GRIP1: variants seen among roughly 807,000 people sequenced by gnomAD.
The protein encoded by GRIP1 is glutamate receptor-interacting protein 1.
A neutral mutation model predicts 129.9 loss-of-function variants in GRIP1; 45 were observed. The ratio of observed to expected loss-of-function variants is 0.35; its 90% CI spans 0.27 to 0.44. The LOEUF is 0.44. GRIP1 is among the 20% of genes least tolerant of loss of function. The pLI is 1.00. For missense variants in GRIP1, 1,196 were observed against 1,396.8 expected (o/e 0.86, Z 2.29); for synonymous variants, 530 against 520.8 (o/e 1.02, Z -0.24).
chr12:66,356,058 G>A (rs1388372930), intron 23 of GRIP1, among the ~76,000 whole-genome samples: 6 of 152,180 alleles, frequency 3.9e-5, no homozygotes, highest in African/African-American at 1.4e-4. Context: ...GTGTGGACAC[G>A]AGAGGGAGGG....
intron 1 of GRIP1, among the ~76,000 whole-genome samples, chr12:66,858,301 C>T (rs2040042218): frequency 6.6e-6 from 1 of 151,806 alleles, no homozygotes; most frequent in Non-Finnish European, 1.5e-5. Flanking sequence ...ATATATGGCA[C>T]TCTTACTGCT....
intron 4 of GRIP1, among the ~76,000 whole-genome samples, chr12:66,534,787 A>T (rs1433949624): frequency 6.6e-6 from 1 of 152,002 alleles, no homozygotes; most frequent in Non-Finnish European, 1.5e-5. Context: ...TCTGCCTCCC[A>T]GGTTCAAGTG....
intron 1 of GRIP1, among the ~76,000 whole-genome samples, chr12:66,729,696 C>T (rs1475701560): frequency 1.3e-5 from 2 of 152,138 alleles, no homozygotes; most frequent in Admixed American, 6.5e-5. Flanking sequence ...GCCTCAGCCT[C>T]CCCAGTAGCT....
intron 2 of GRIP1, among the ~76,000 whole-genome samples, chr12:66,595,669 T>C (rs559055892): frequency 1.4e-4 from 21 of 152,342 alleles, no homozygotes; most frequent in Non-Finnish European, 2.2e-4. Flanking sequence ...TAGGATAAAA[T>C]AGAAGACATC....
intron 1 of GRIP1, among the ~76,000 whole-genome samples, chr12:66,621,015 T>C (rs1181914793): frequency 6.6e-6 from 1 of 151,518 alleles, no homozygotes. Context: ...AATTACTGTA[T>C]TTAGAAAAGT....
At chr12:66,623,518 A>G (rs934558145) in intron 1 of GRIP1, among the ~76,000 whole-genome samples, 2 of 152,168 alleles carry the variant, frequency 1.3e-5, no homozygotes, top group African/African-American at 4.8e-5. Flanking sequence ...CAGTCTTACA[A>G]GGATGGTCAA....
intron 13 of GRIP1, 94 bp downstream of exon 13, chr12:66,444,490 C>T (rs2058563635): frequency 4.4e-6 from 4 of 913,670 alleles, no homozygotes; most frequent in Admixed American, 2.5e-5. Flanking sequence ...GAGACTCCGT[C>T]TCAAAAAAAA....
intron 1 of GRIP1, among the ~76,000 whole-genome samples, chr12:66,958,342 A>G (rs979606154): frequency 6.6e-6 from 1 of 152,258 alleles, no homozygotes; most frequent in East Asian, 1.9e-4. Context: ...TGCGTGGGCC[A>G]GGCTGGTCTT....
intron 5 of GRIP1, among the ~76,000 whole-genome samples, chr12:66,522,849 T>C (rs975059214): frequency 7.2e-5 from 11 of 152,050 alleles, no homozygotes; most frequent in African/African-American, 2.4e-4. Flanking sequence ...CTGATGGAGC[T>C]GAAAGCCAAG....
At chr12:66,597,112 T>C (rs911039945) in intron 1 of GRIP1, among the ~76,000 whole-genome samples, 185 bp from the exon 2 acceptor site, 4 of 152,174 alleles carry the variant, frequency 2.6e-5, no homozygotes, top group Non-Finnish European at 5.9e-5. Context: ...GTGAATATGT[T>C]TCTTCCCCTA....
intron 1 of GRIP1, among the ~76,000 whole-genome samples, chr12:66,643,387 C>A (rs1047119462): frequency 2.0e-5 from 3 of 152,042 alleles, no homozygotes; most frequent in Non-Finnish European, 4.4e-5. Flanking sequence ...TATTATAGAA[C>A]CACTTAATAT....
At chr12:66,741,548 A>G (rs1288359241) in intron 1 of GRIP1, among the ~76,000 whole-genome samples, 3 of 152,252 alleles carry the variant, frequency 2.0e-5, no homozygotes, top group African/African-American at 7.2e-5. Context: ...TCACATATGT[A>G]ATTTTAAATT....
At chr12:66,642,153 G>A (rs1213807586) in intron 1 of GRIP1, among the ~76,000 whole-genome samples, 3 of 152,154 alleles carry the variant, frequency 2.0e-5, no homozygotes, top group African/African-American at 7.2e-5. Flanking sequence ...CAGGTGCCAA[G>A]AGAAAACACA....
chr12:66,964,929 G>C (rs1483457960), intron 1 of GRIP1, among the ~76,000 whole-genome samples: 1 of 151,948 alleles, frequency 6.6e-6, no homozygotes, highest in Non-Finnish European at 1.5e-5. Flanking sequence ...GATGTTTCTG[G>C]TGTCTCTTTG....
At chr12:67,024,859 C>T (rs1430660841) in intron 1 of GRIP1, among the ~76,000 whole-genome samples, 2 of 152,084 alleles carry the variant, frequency 1.3e-5, no homozygotes, top group Non-Finnish European at 2.9e-5. Context: ...GTCAGTAATT[C>T]CCCCACTAAT....
chr12:66,634,950 A>G (rs1278886477), intron 1 of GRIP1, among the ~76,000 whole-genome samples: 1 of 152,218 alleles, frequency 6.6e-6, no homozygotes, highest in Non-Finnish European at 1.5e-5. Flanking sequence ...TAGCATCTAG[A>G]CAACCTGGCA....
rs141727577 is a variant in GRIP1, at chr12:67,040,445, T to C, written c.58+28605A>G. Among the ~76,000 whole-genome samples the C allele has an allele frequency of 3.1e-3, 466 of 152,334 alleles. 3 individuals are homozygous for C. The highest frequency in any genetic ancestry group is 0.011 in the African/African-American group (440 of 41,576). On this transcript the variant is annotated intron_variant, in intron 1 of 1. Transcript: ENST00000643019. Reference sequence around the variant, plus strand: ...CTTCCCACAAAGACATAAATCCCTATTAAAATCACTGTAGTGGAAATAAGC... The same window carrying C: ...CTTCCCACAAAGACATAAATCCCTACTAAAATCACTGTAGTGGAAATAAGC...
At chr12:66,828,383 T>C (rs1272202887) in intron 1 of GRIP1, among the ~76,000 whole-genome samples, 1 of 152,202 alleles carries the variant, frequency 6.6e-6, no homozygotes, top group Non-Finnish European at 1.5e-5. Context: ...ACATCATCCA[T>C]TTATTTTCTA....
intron 7 of GRIP1, among the ~76,000 whole-genome samples, chr12:66,468,554 C>A (rs1263600090): frequency 6.6e-6 from 1 of 152,082 alleles, no homozygotes; most frequent in African/African-American, 2.4e-5. Context: ...TACAACCAAC[C>A]ATTACCCAAT....
Sources: gnomAD v4.1 joint callset for allele counts (sites outside exome capture counted in the v4.1 genomes callset) on GRCh38, gnomAD v4.1.1 for gene constraint, MANE v1.5 for transcripts, NCBI Gene and HGNC (gene_info 2026-07-23, HGNC 2026-07-21) for gene names.